Variants in SETD5 observed in about 807,000 individuals in gnomAD.
SETD5 encodes the protein histone-lysine N-methyltransferase SETD5.
Under a neutral mutation model 153.3 loss-of-function variants are expected in SETD5, and 44 were observed. The observed-to-expected ratio is 0.29, with a 90% CI of 0.23 to 0.37. The LOEUF (loss-of-function observed/expected upper bound fraction) is 0.37. Ranked by LOEUF, SETD5 falls within the 10% of genes least tolerant of loss-of-function variation. SETD5 has a pLI of 1.00. For missense variants in SETD5, 1,544 were observed against 1,768.0 expected (o/e 0.87, Z 2.27); for synonymous variants, 716 against 645.2 (o/e 1.11, Z -1.66).
intron 7 of SETD5, among the ~76,000 whole-genome samples, chr3:9,438,111 T>G (rs576445777): frequency 2.0e-5 from 3 of 152,300 alleles, no homozygotes; most frequent in Admixed American, 1.3e-4. Context: ...ACCTAAAGTT[T>G]GAAGGCCCCA....
At chr3:9,433,646 C>T in intron 3 of SETD5, 199 bp from the exon 4 acceptor site, 1 of 889,288 alleles carries the variant, frequency 1.1e-6, no homozygotes, top group Non-Finnish European at 1.6e-6. Flanking sequence ...TCATGTTACA[C>T]ACAAATCCAC....
At chr3:9,473,582 G>A (rs1433912936) in intron 20 of SETD5, 45 bp downstream of exon 20, 2 of 1,533,688 alleles carry the variant, frequency 1.3e-6, no homozygotes, top group South Asian at 1.2e-5. Flanking sequence ...GGGGTGGGGG[G>A]GAGTATATAT....
intron 7 of SETD5, 35 bp from the exon 8 acceptor site, chr3:9,440,421 G>A: frequency 8.5e-7 from 1 of 1,171,384 alleles, no homozygotes; most frequent in Non-Finnish European, 1.3e-6. Flanking sequence ...TTTATGCATG[G>A]ACTTTACTAA....
chr3:9,426,233 T>C (rs1430184778), intron 2 of SETD5: 1 of 109,936 alleles, frequency 9.1e-6, no homozygotes, highest in Admixed American at 9.2e-5. Flanking sequence ...TTTTTTTTTT[T>C]TTTTTTTTTT....
chr3:9,449,931 T>C (rs1296240725), intron 16 of SETD5, among the ~76,000 whole-genome samples: 1 of 152,234 alleles, frequency 6.6e-6, no homozygotes, highest in Non-Finnish European at 1.5e-5. Flanking sequence ...TACAATCTCC[T>C]ATTTTGGTCC....
chr3:9,445,706 T>G lies in SETD5; in HGVS notation c.1490T>G (p.Ile497Arg). Residue 497 changes from isoleucine (I) to arginine (R), a missense_variant, in exon 13 of 23, where the codon ATA becomes AGA. This residue lies in a region of SETD5 where 782 missense variants were observed against 787.2 expected (regional missense o/e 0.99). Coordinates refer to ENST00000402198, the MANE Select transcript of SETD5 (RefSeq NM_001080517.3). ...EKPEEEKEEVIDDQENLAHSR... is the reference protein window; with the variant it reads ...EKPEEEKEEVRDDQENLAHSR... ...CCAGAAGAAGAGAAAGAAGAGGTTA[T>G]AGATGACCAGGAGAACCTAGCTCAT... The G allele has an allele frequency of 6.2e-7, 1 of 1,613,634 alleles. No individual in the cohort carries two copies. Among genetic ancestry groups the G allele is most frequent in the Non-Finnish European group, 8.5e-7 (1 of 1,179,732 alleles).
intron 3 of SETD5, 196 bp downstream of exon 3, chr3:9,429,205 G>C (rs920341104): frequency 8.2e-6 from 3 of 365,678 alleles, no homozygotes; most frequent in African/African-American, 6.3e-5. Context: ...AGAGTTTTCA[G>C]AGGGGTATTT....
chr3:9,419,353 ACAGC>A lies in SETD5; in HGVS notation c.-176-5110_-176-5107del, dbSNP rs1183041499. Among the ~76,000 whole-genome samples the A allele has an allele frequency of 3.3e-5, 5 of 152,376 alleles. No homozygotes were observed. In the East Asian group the frequency reaches 9.6e-4, roughly 29 times the overall value. The stretch of plus-strand genomic sequence containing the variant: ...AAATCTACATAATATAAATCCCAAG[ACAGC>A]CAGGAATTTTATCTGGACCTAATTG... On this transcript the variant is annotated intron_variant, in intron 1 of 22. Transcript: ENST00000402198.
Position 9,445,134 on chromosome 3 carries a change from T to C in SETD5, c.1274T>C (p.Leu425Pro). The C allele has an allele frequency of 6.2e-7, 1 of 1,613,962 alleles. No homozygotes were observed. The highest frequency in any genetic ancestry group is 2.2e-5 in the East Asian group (1 of 44,878). The change falls in exon 12 of 23, where the codon CTC becomes CCC. Residue 425 changes from leucine to proline, a missense_variant. This residue lies in a region of SETD5 where 782 missense variants were observed against 787.2 expected (regional missense o/e 0.99). Transcript: ENST00000402198. ...AATCCTAATGCTACAGAACTGCCACTCCTACCACCTCCTCCAAGCCTACCC... is the reference window on the plus strand; with the variant it reads ...AATCCTAATGCTACAGAACTGCCACCCCTACCACCTCCTCCAAGCCTACCC... Reference protein sequence around the residue: ...KRNPNATELPLLPPPPSLPTI... With the variant: ...KRNPNATELPPLPPPPSLPTI...
At chr3:9,468,212 A>G (rs1293929388) in intron 18 of SETD5, among the ~76,000 whole-genome samples, 2 of 152,034 alleles carry the variant, frequency 1.3e-5, no homozygotes, top group Admixed American at 6.6e-5. Flanking sequence ...ACAAAGACGT[A>G]TAACACTAAA....
intron 7 of SETD5, 86 bp downstream of exon 7, chr3:9,435,992 A>C: frequency 1.5e-6 from 2 of 1,319,062 alleles, no homozygotes; most frequent in East Asian, 2.5e-5. Context: ...TCTTTTAAGA[A>C]GTTTGATCCA....
intron 1 of SETD5, among the ~76,000 whole-genome samples, chr3:9,414,360 A>G (rs954516601): frequency 2.6e-5 from 4 of 152,068 alleles, no homozygotes; most frequent in Admixed American, 2.0e-4. Context: ...TTGAAGAGCC[A>G]TTGGTCGTGT....
chr3:9,426,854 C>G (rs535436344), intron 2 of SETD5, among the ~76,000 whole-genome samples: 26 of 152,192 alleles, frequency 1.7e-4, no homozygotes, highest in African/African-American at 6.3e-4. Context: ...TTTCCCAGCC[C>G]AGCTATATGT....
intron 1 of SETD5, among the ~76,000 whole-genome samples, chr3:9,411,115 C>G (rs2036509914): frequency 6.6e-6 from 1 of 151,952 alleles, no homozygotes; most frequent in Non-Finnish European, 1.5e-5. Context: ...TCTTGAACTC[C>G]TAACTTCAGG....
chr3:9,458,247 A>T (rs1486351801), intron 17 of SETD5, among the ~76,000 whole-genome samples: 1 of 152,162 alleles, frequency 6.6e-6, no homozygotes, highest in Non-Finnish European at 1.5e-5. Flanking sequence ...ACACAGCAAG[A>T]CCTTGTCTTC....
chr3:9,437,959 C>T (rs865780217), intron 7 of SETD5, among the ~76,000 whole-genome samples: 4 of 151,048 alleles, frequency 2.6e-5, no homozygotes, highest in African/African-American at 9.8e-5. Flanking sequence ...GCCGAGATCA[C>T]GCCACTGCAC....
At chr3:9,425,330 T>C (rs937132991) in intron 2 of SETD5, among the ~76,000 whole-genome samples, 3 of 151,782 alleles carry the variant, frequency 2.0e-5, no homozygotes, top group South Asian at 2.1e-4. Flanking sequence ...TCCCAAAGTG[T>C]TGGAATTACA....
At chr3:9,457,503 T>C (rs529302308) in intron 17 of SETD5, among the ~76,000 whole-genome samples, 100 of 150,884 alleles carry the variant, frequency 6.6e-4, no homozygotes, top group African/African-American at 2.3e-3. Flanking sequence ...TATATATATA[T>C]ACTAATAATA....
At chr3:9,422,617 A>G (rs1371771918) in intron 1 of SETD5, among the ~76,000 whole-genome samples, 4 of 152,246 alleles carry the variant, frequency 2.6e-5, no homozygotes, top group African/African-American at 7.2e-5. Flanking sequence ...AAATTTAATA[A>G]TGGATATTGT....
Sources: allele counts gnomAD v4.1 joint callset (sites outside exome capture counted in the v4.1 genomes callset), GRCh38; gene constraint gnomAD v4.1.1; regional missense constraint gnomAD v4.1.1; transcripts MANE v1.5; gene names NCBI Gene and HGNC (gene_info 2026-07-23, HGNC 2026-07-21).